Variants in CFAP52 observed in about 807,000 individuals in gnomAD.
CFAP52 encodes cilia and flagella associated protein 52.
CFAP52 carries 57 observed loss-of-function variants against 70.5 expected under a neutral mutation model. That is an observed-to-expected ratio of 0.81 (90% CI 0.65 to 1.01). The LOEUF (loss-of-function observed/expected upper bound fraction) is 1.01. Among genes scored for constraint, CFAP52 ranks in the 50% least tolerant of loss-of-function variants. CFAP52 has a pLI of 0.00. For missense variants in CFAP52, 785 were observed against 788.5 expected (o/e 1.00, Z 0.05); for synonymous variants, 267 against 292.5 (o/e 0.91, Z 0.89).
At chr17:9,601,283 G>T in intron 6 of CFAP52, among the ~76,000 whole-genome samples, 2 of 114,812 alleles carry the variant, frequency 1.7e-5, no homozygotes, top group African/African-American at 3.3e-5. Context: ...GAGGGGGGAG[G>T]GATAGCATTA....
intron 12 of CFAP52, among the ~76,000 whole-genome samples, chr17:9,641,039 G>C (rs76441977): frequency 3.9e-5 from 6 of 152,102 alleles, no homozygotes; most frequent in African/African-American, 1.4e-4. Flanking sequence ...TCTTTCCTAA[G>C]AAGGAAATTT....
At chr17:9,588,375 C>T (rs1053810828) in intron 3 of CFAP52, among the ~76,000 whole-genome samples, 2 of 152,104 alleles carry the variant, frequency 1.3e-5, no homozygotes, top group Admixed American at 6.6e-5. Context: ...CGCTCGTGCC[C>T]AGAGAGACAA....
At chr17:9,596,081 A>ATATG (rs1909003451) in intron 4 of CFAP52, among the ~76,000 whole-genome samples, 1 of 138,912 alleles carries the variant, frequency 7.2e-6, no homozygotes. Context: ...ATATATATAT[A>ATATG]TATATATATA....
chr17:9,607,042 A>T (rs1016234185), intron 6 of CFAP52, among the ~76,000 whole-genome samples: 9 of 152,316 alleles, frequency 5.9e-5, no homozygotes, highest in African/African-American at 2.2e-4. Flanking sequence ...GCTATACTGA[A>T]TGTTTTAAAA....
intron 8 of CFAP52, among the ~76,000 whole-genome samples, chr17:9,621,947 A>G (rs981714627): frequency 1.3e-5 from 2 of 151,366 alleles, no homozygotes; most frequent in African/African-American, 4.9e-5. Context: ...TGGCACATGT[A>G]TACATATGTA....
intron 6 of CFAP52, among the ~76,000 whole-genome samples, chr17:9,604,838 A>G (rs1425606271): frequency 1.3e-5 from 2 of 152,128 alleles, no homozygotes; most frequent in Non-Finnish European, 2.9e-5. Flanking sequence ...AAGCATATGG[A>G]AAGATACTCT....
chr17:9,583,650 C>T (rs1908321411), intron 1 of CFAP52, among the ~76,000 whole-genome samples: 4 of 152,042 alleles, frequency 2.6e-5, no homozygotes, highest in Admixed American at 2.6e-4. Context: ...TTAATCTATA[C>T]ATTTAATACT....
Position 9,635,027 on chromosome 17 carries a change from G to A in CFAP52, c.1321-378G>A, listed in dbSNP as rs67700248. On this transcript the variant is annotated intron_variant, in intron 10 of 13. Coordinates refer to ENST00000352665, the MANE Select transcript of CFAP52 (RefSeq NM_145054.5). The stretch of plus-strand genomic sequence containing the variant: ...TTTAAATATAGCTCTGGGTACTCAC[G>A]AACTTTCCTGACAGTACCAGAAATT... 3.2e-3 allele frequency among the ~76,000 whole-genome samples: 481 copies of A among 152,206 alleles called. 3 individuals carry two copies. Among genetic ancestry groups the A allele is most frequent in the African/African-American group, 0.01 (418 of 41,538 alleles).
intron 4 of CFAP52, among the ~76,000 whole-genome samples, chr17:9,597,847 G>A (rs1465437614): frequency 6.6e-6 from 1 of 151,094 alleles, no homozygotes; most frequent in Admixed American, 6.6e-5. Context: ...GAAAGAGAGA[G>A]AGAAAGAGAG....
chr17:9,637,583 C>A lies in CFAP52; in HGVS notation c.1473-1026C>A, dbSNP rs187537797. On this transcript the variant is annotated intron_variant, in intron 11 of 13. Transcript: ENST00000352665. ...GGGGTTCTATTATGCACATAAAAAT[C>A]AACTGAAATGCTGGTTTAAAATGCA... Among the ~76,000 whole-genome samples the A allele has an allele frequency of 3.1e-3, 472 of 152,248 alleles. 1 individual carries two copies. The highest frequency in any genetic ancestry group is 7.7e-3 in the South Asian group (37 of 4,822).
rs761894645 is a variant in CFAP52 at position 9,585,797 on chromosome 17, G to A, written c.95G>A (p.Cys32Tyr). The change falls in exon 2 of 14, where the codon TGC (cysteine) becomes TAC (tyrosine). Residue 32 changes from cysteine (C) to tyrosine (Y), a missense_variant. Cys to Tyr is a radical substitution (Grantham distance 194). Coordinates refer to ENST00000352665, the MANE Select transcript of CFAP52 (RefSeq NM_145054.5). ...GGACATGTGCCCACTGGTCTCAAAT[G>A]CCATCCTGACCAGGAGCATATGATT... ...FNGHVPTGLK[C>Y]HPDQEHMIYP... 1.2e-6 allele frequency: 2 copies of A among 1,614,056 alleles called. No individual in the cohort carries two copies. The highest frequency in any genetic ancestry group is 4.5e-5 in the East Asian group (2 of 44,870).
At chr17:9,609,474 C>T (rs1363016102) in intron 7 of CFAP52, among the ~76,000 whole-genome samples, 3 of 152,208 alleles carry the variant, frequency 2.0e-5, no homozygotes, top group Non-Finnish European at 4.4e-5. Flanking sequence ...GCAAGTGGAT[C>T]GCTTGAGCCC....
intron 8 of CFAP52, among the ~76,000 whole-genome samples, chr17:9,625,011 C>G (rs2151946379): frequency 6.6e-6 from 1 of 152,110 alleles, no homozygotes; most frequent in Middle Eastern, 3.4e-3. Flanking sequence ...CCCTATTTTC[C>G]AAATATTCTG....
At position 9,643,260 on chromosome 17, in the gene CFAP52, A is replaced by T; in HGVS notation, c.*62A>T. ...CAGTCCTGTTGAAGACTGAGTTTAGATAACTCCAACACTAGTCTTCATTTC... is the reference window on the plus strand; with the variant it reads ...CAGTCCTGTTGAAGACTGAGTTTAGTTAACTCCAACACTAGTCTTCATTTC... On this transcript the variant is annotated 3_prime_UTR_variant, in exon 14 of 14. Transcript: ENST00000352665. 1 of 1,391,794 alleles carries T rather than the reference A, an allele frequency of 7.2e-7. No individual in the cohort carries two copies. The highest frequency in any genetic ancestry group is 9.5e-7 in the Non-Finnish European group (1 of 1,054,244). The allele number at this position is 1,391,794 out of a possible 1,614,324, so 86.2% of individuals were successfully genotyped here. A position where few individuals can be genotyped will look rare whatever the true frequency, so the allele number is the denominator to read the frequency against.
Position 9,615,986 on chromosome 17 carries a change from G to T in CFAP52, c.1025+3507G>T, listed in dbSNP as rs191946802. ...ATACATATTTAAATATAGTTTTTCG[G>T]GGGGAGGAGCCAAGATGGCCGAATA... On this transcript the variant is annotated intron_variant, in intron 8 of 13. Transcript: ENST00000352665. Among the ~76,000 whole-genome samples, 45 of 151,546 alleles carry T rather than the reference G, an allele frequency of 3.0e-4. 1 individual carries two copies. The South Asian group carries it at 6.7e-3, about 23-fold the overall frequency.
chr17:9,602,371 G>A (rs9901292), intron 6 of CFAP52, among the ~76,000 whole-genome samples: 9,117 of 125,876 alleles, frequency 0.072, 419 homozygotes, highest in African/African-American at 0.15. Context: ...GAGAACATGC[G>A]GTGTTTGGTT....
chr17:9,608,748 C>T lies in CFAP52; in HGVS notation c.854+529C>T, dbSNP rs532855462. Reference sequence around the variant, plus strand: ...TTAATTAAAATAAAATGAAACAAAACCTTATTTATTGCCATAACAATGTGC... The same window carrying T: ...TTAATTAAAATAAAATGAAACAAAATCTTATTTATTGCCATAACAATGTGC... On this transcript the variant is annotated intron_variant, in intron 7 of 13. Coordinates refer to ENST00000352665, the MANE Select transcript of CFAP52 (RefSeq NM_145054.5). 5.6e-4 allele frequency among the ~76,000 whole-genome samples: 85 copies of T among 152,218 alleles called. 1 individual carries two copies. Among genetic ancestry groups the T allele is most frequent in the African/African-American group, 2.0e-3 (83 of 41,528 alleles).
At chr17:9,584,735 C>T (rs569459297) in intron 1 of CFAP52, among the ~76,000 whole-genome samples, 1 of 152,178 alleles carries the variant, frequency 6.6e-6, no homozygotes, top group East Asian at 1.9e-4. Flanking sequence ...GATTCTCCTG[C>T]CTCAGCCTCC....
Position 9,643,116 on chromosome 17 carries a change from G to A in CFAP52, c.1781G>A (p.Arg594His), listed in dbSNP as rs779966953. 25 of 1,613,496 alleles carry A rather than the reference G, an allele frequency of 1.5e-5. No homozygotes were observed. In the Admixed American group the frequency reaches 2.5e-4, roughly 16 times the overall value. The change falls in exon 14 of 14, where the codon CGC (arginine) becomes CAC (histidine). Residue 594 changes from arginine to histidine, a missense_variant. Transcript: ENST00000352665. ...CACAGTGGCAACATCACACGCATCC[G>A]CATAAGTCCAGGAAATCAATATATT... is the stretch of plus-strand genomic sequence containing the variant. ...VGHSGNITRI[R>H]ISPGNQYIVS...
Sources: gnomAD v4.1 joint callset for allele counts (sites outside exome capture counted in the v4.1 genomes callset) on GRCh38, gnomAD v4.1.1 for gene constraint, MANE v1.5 for transcripts, NCBI Gene and HGNC (gene_info 2026-07-23, HGNC 2026-07-21) for gene names.